Variants in PWWP2A observed in about 807,000 individuals in gnomAD.
PWWP2A encodes PWWP domain-containing protein 2A.
Under a neutral mutation model 48.5 loss-of-function variants are expected in PWWP2A, and 18 were observed. That is an observed-to-expected ratio of 0.37 (90% CI 0.26 to 0.55). The LOEUF is 0.55. Ranked by LOEUF, PWWP2A falls within the 20% of genes least tolerant of loss-of-function variation. The pLI, the probability that PWWP2A is intolerant of heterozygous loss-of-function variation, is 0.81. For missense variants in PWWP2A, 867 were observed against 976.4 expected (o/e 0.89, Z 1.49); for synonymous variants, 396 against 387.7 (o/e 1.02, Z -0.25).
chr5:160,059,317 T>G (rs1402952373), downstream of PWWP2A, among the ~76,000 whole-genome samples: 3 of 152,242 alleles, frequency 2.0e-5, no homozygotes. Context: ...CACGTTTATG[T>G]TATGGAGATG....
At chr5:160,095,047 CAAAAAAA>C (rs70987998) in intron 1 of PWWP2A, among the ~76,000 whole-genome samples, 397 of 30,778 alleles carry the variant, frequency 0.013, no homozygotes, top group Non-Finnish European at 0.014. Context: ...GACTCTGTCT[CAAAAAAA>C]AAAAAAAAAA....
chr5:160,101,051 A>G (rs1756227586), intron 1 of PWWP2A, among the ~76,000 whole-genome samples: 1 of 152,226 alleles, frequency 6.6e-6, no homozygotes, highest in Non-Finnish European at 1.5e-5. Context: ...TTTCAGTCTT[A>G]AAAAGGATGA....
intron 2 of PWWP2A, chr5:160,080,786 C>A (rs1259268201): frequency 7.3e-6 from 11 of 1,501,026 alleles, no homozygotes; most frequent in Admixed American, 2.3e-5. Flanking sequence ...GTAGAAAAAA[C>A]CAAGTTAACA....
intron 1 of PWWP2A, among the ~76,000 whole-genome samples, chr5:160,096,118 A>G (rs1441067839): frequency 1.3e-5 from 2 of 152,214 alleles, no homozygotes; most frequent in Non-Finnish European, 2.9e-5. Context: ...TACACCAGGT[A>G]TTATTCTAGC....
At chr5:160,096,545 A>C (rs368212859) in intron 1 of PWWP2A, among the ~76,000 whole-genome samples, 4 of 152,176 alleles carry the variant, frequency 2.6e-5, no homozygotes, top group South Asian at 2.1e-4. Context: ...ACATTTTCTA[A>C]CTTGTAAGAA....
At chr5:160,084,238 CT>C (rs1446718065) in intron 2 of PWWP2A, among the ~76,000 whole-genome samples, 8 of 152,008 alleles carry the variant, frequency 5.3e-5, no homozygotes, top group Non-Finnish European at 8.8e-5. Flanking sequence ...TATTATTCTC[CT>C]TATTTCACAT....
rs1483897573 is a variant in PWWP2A at position 160,078,660 on chromosome 5, G to C, written c.1670-492C>G. ...CCAGGCTATGTACAAATCAGCAGCA[G>C]GTCACACTGTCCACATACTTGCAAA... is the stretch of plus-strand genomic sequence containing the variant. On this transcript the variant is annotated intron_variant, in intron 3 of 3. Transcript: ENST00000456329. This position sits in a 1 kb window ranked among gnomAD's most constrained non-coding sequence, Gnocchi z 4.2. Among the ~76,000 whole-genome samples the C allele has an allele frequency of 2.6e-5, 4 of 152,096 alleles. No homozygotes were observed. The highest frequency in any genetic ancestry group is 9.7e-5 in the African/African-American group (4 of 41,430).
intron 1 of PWWP2A, among the ~76,000 whole-genome samples, chr5:160,111,707 G>T (rs1179037158): frequency 1.3e-5 from 2 of 152,156 alleles, no homozygotes; most frequent in Non-Finnish European, 2.9e-5. Context: ...AATTTAAAAA[G>T]CTAAGATTAA....
exon 3 of PWWP2A, chr5:160,080,685 T>A: frequency 6.4e-7 from 1 of 1,568,034 alleles, no homozygotes; most frequent in Non-Finnish European, 8.7e-7. Flanking sequence ...ATGCTCCCAG[T>A]CTGAATCCAC....
At chr5:160,090,985 G>A, downstream of PWWP2A, 1 of 985,222 alleles carries the variant, frequency 1.0e-6, no homozygotes, top group Non-Finnish European at 1.2e-6. Flanking sequence ...GATACATGAG[G>A]CAGAAAACCA....
the PWWP2A span, among the ~76,000 whole-genome samples, chr5:160,045,354 A>C: frequency 6.6e-6 from 1 of 152,072 alleles, no homozygotes; most frequent in Admixed American, 6.6e-5. Flanking sequence ...TTATGTGGTT[A>C]GACATGGTCA....
chr5:160,105,775 A>C, intron 1 of PWWP2A: 3 of 122,994 alleles, frequency 2.4e-5, no homozygotes, highest in Non-Finnish European at 4.8e-5. Context: ...ACGCCATCTC[A>C]AAAAAAAAAA....
chr5:160,062,230 CTCG>C (rs959068627), intron 5 of PWWP2A: 30 of 152,234 alleles, frequency 2.0e-4, no homozygotes, highest in African/African-American at 7.0e-4. Flanking sequence ...AATTCTTCCT[CTCG>C]TCGGCAGTTT....
chr5:160,089,511 C>T (rs891294823), downstream of PWWP2A: 6 of 1,274,868 alleles, frequency 4.7e-6, no homozygotes, highest in Non-Finnish European at 6.1e-6. Flanking sequence ...CGCACCTGGC[C>T]TCTCACAGAT....
At chr5:160,094,225 A>G (rs755854377) in intron 1 of PWWP2A, among the ~76,000 whole-genome samples, 160 bp from the exon 2 acceptor site, 37 of 152,372 alleles carry the variant, frequency 2.4e-4, no homozygotes, top group Non-Finnish European at 4.0e-4. Context: ...TCTTCCCCCA[A>G]AAGTTCAAAG....
chr5:160,117,178 G>A (rs1758225054), intron 1 of PWWP2A, among the ~76,000 whole-genome samples: 1 of 152,224 alleles, frequency 6.6e-6, no homozygotes, highest in Admixed American at 6.5e-5. Flanking sequence ...CAGGAGTGCA[G>A]GCCGGGCACA....
At chr5:160,082,847 C>G (rs567154432) in intron 2 of PWWP2A, among the ~76,000 whole-genome samples, 1 of 152,144 alleles carries the variant, frequency 6.6e-6, no homozygotes, top group Non-Finnish European at 1.5e-5. Context: ...TCGGAAATTA[C>G]TTATTTTGTC....
the PWWP2A span, among the ~76,000 whole-genome samples, chr5:160,054,214 T>C: frequency 3.3e-5 from 5 of 152,224 alleles, no homozygotes; most frequent in African/African-American, 9.6e-5. Context: ...ATAGAGACCC[T>C]GGACATAGCA....
chr5:160,061,984 C>T (rs1404517322), exon 6 of PWWP2A: 2 of 152,230 alleles, frequency 1.3e-5, no homozygotes, highest in Non-Finnish European at 2.9e-5. Context: ...CCAGTGCTGC[C>T]CCTCAGACGA....
Sources: allele counts gnomAD v4.1 joint callset (sites outside exome capture counted in the v4.1 genomes callset), GRCh38; gene constraint gnomAD v4.1.1; non-coding constraint Gnocchi (gnomAD v3.1); transcripts MANE v1.5; gene names NCBI Gene and HGNC (gene_info 2026-07-23, HGNC 2026-07-21).